IRAK1BP1: variants seen among roughly 807,000 people sequenced by gnomAD.
The protein encoded by IRAK1BP1 is interleukin-1 receptor-associated kinase 1-binding protein 1.
A neutral mutation model predicts 28.0 loss-of-function variants in IRAK1BP1; 24 were observed. The ratio of observed to expected loss-of-function variants is 0.86; its 90% confidence interval spans 0.62 to 1.20. The LOEUF is 1.20. Among genes scored for constraint, IRAK1BP1 ranks in the 50% most tolerant of loss-of-function variants. The pLI is 0.00. For synonymous variants in IRAK1BP1, 131 were observed against 116.3 expected (o/e 1.13, Z -0.81); for missense variants, 336 against 316.7 (o/e 1.06, Z -0.46).
At chr6:78,946,625 G>A (rs1184228345), downstream of IRAK1BP1, 10 of 1,463,524 alleles carry the variant, frequency 6.8e-6, no homozygotes, top group African/African-American at 1.5e-5. Context: ...ATAGGGAATA[G>A]TAAAGGAAGT....
At chr6:78,917,282 G>T (rs1772585289) in intron 4 of IRAK1BP1, among the ~76,000 whole-genome samples, 1 of 150,924 alleles carries the variant, frequency 6.6e-6, no homozygotes, top group African/African-American at 2.4e-5. Flanking sequence ...AAATACAATG[G>T]AAAGCTTTAT....
At chr6:78,958,241 G>A in the IRAK1BP1 span, 1 of 350,946 alleles carries the variant, frequency 2.8e-6, no homozygotes, top group African/African-American at 2.1e-5. Context: ...AAAACACAAT[G>A]GTAATACGAT....
chr6:78,945,648 A>T (rs1773772183), exon 5 of IRAK1BP1: 3 of 639,116 alleles, frequency 4.7e-6, no homozygotes, highest in Non-Finnish European at 8.2e-6. Context: ...AATAGGAAAA[A>T]GGCGTATCCA....
the IRAK1BP1 span, among the ~76,000 whole-genome samples, chr6:78,953,729 T>C: frequency 2.0e-5 from 3 of 152,152 alleles, no homozygotes; most frequent in African/African-American, 4.8e-5. Flanking sequence ...CATTGTAAGT[T>C]AGAACAAAAA....
At chr6:78,881,179 T>C (rs1771214997) in intron 1 of IRAK1BP1, among the ~76,000 whole-genome samples, 1 of 152,144 alleles carries the variant, frequency 6.6e-6, no homozygotes, top group Non-Finnish European at 1.5e-5. Context: ...CAAAAGAATA[T>C]TATTCAGCAA....
At chr6:78,963,010 A>G in the IRAK1BP1 span, 2 of 1,315,286 alleles carry the variant, frequency 1.5e-6, no homozygotes, top group Non-Finnish European at 2.1e-6. Flanking sequence ...ATATTGTGAA[A>G]AAAAATTTTT....
At chr6:78,944,978 T>C (rs1773721054) in intron 4 of IRAK1BP1, among the ~76,000 whole-genome samples, 1 of 152,170 alleles carries the variant, frequency 6.6e-6, no homozygotes, top group Non-Finnish European at 1.5e-5. Context: ...GAAAAATAAG[T>C]AGTTTTGTGA....
At chr6:78,948,696 G>A (rs1773969422), downstream of IRAK1BP1, among the ~76,000 whole-genome samples, 1 of 152,094 alleles carries the variant, frequency 6.6e-6, no homozygotes, top group African/African-American at 2.4e-5. Flanking sequence ...GTCTTAGCAT[G>A]TTGCTGAGAC....
intron 4 of IRAK1BP1, among the ~76,000 whole-genome samples, chr6:78,943,658 C>T (rs1218001595): frequency 6.6e-6 from 1 of 151,908 alleles, no homozygotes; most frequent in African/African-American, 2.4e-5. Flanking sequence ...TAAGTACCAC[C>T]AAAGGTAATG....
chr6:78,872,378 A>G (rs770588838), intron 1 of IRAK1BP1, among the ~76,000 whole-genome samples: 5 of 152,216 alleles, frequency 3.3e-5, no homozygotes, highest in African/African-American at 1.2e-4. Context: ...CAAATTGAAC[A>G]TAGGCATTGG....
In IRAK1BP1 at chr6:78,868,027, G is replaced by C. The variant is rs1770649958; in HGVS notation, c.315+136G>C. Reference sequence around the variant, plus strand: ...CGTTTAGGACGCGTTTGTTGCAAAGGTACTCCGGGACGCCAGGACCTGGCA... The same window carrying C: ...CGTTTAGGACGCGTTTGTTGCAAAGCTACTCCGGGACGCCAGGACCTGGCA... On this transcript the variant is annotated intron_variant, in intron 1 of 3. Transcript: ENST00000369940. 3 of 905,422 alleles carry C rather than the reference G, an allele frequency of 3.3e-6. No individual in the cohort carries two copies. The African/African-American group carries it at 5.1e-5, about 15-fold the overall frequency. The allele number at this position is 905,422 out of a possible 1,614,324, so 56.1% of individuals were successfully genotyped here.
chr6:78,972,161 C>T, the IRAK1BP1 span, among the ~76,000 whole-genome samples: 1 of 152,164 alleles, frequency 6.6e-6, no homozygotes, highest in Non-Finnish European at 1.5e-5. Flanking sequence ...GTGGTTCTCC[C>T]AGTACGCAGC....
intron 4 of IRAK1BP1, among the ~76,000 whole-genome samples, chr6:78,915,273 G>A (rs1772531439): frequency 1.3e-5 from 2 of 152,192 alleles, no homozygotes; most frequent in South Asian, 4.1e-4. Context: ...GTGATTCAAA[G>A]ACTGTCAGCA....
intron 1 of IRAK1BP1, among the ~76,000 whole-genome samples, chr6:78,868,976 A>T (rs1770695578): frequency 6.6e-6 from 1 of 152,238 alleles, no homozygotes; most frequent in Admixed American, 6.5e-5. Context: ...TTTTAACAAG[A>T]AAAGATATTT....
intron 4 of IRAK1BP1, chr6:78,941,429 G>A: frequency 3.0e-6 from 2 of 661,420 alleles, no homozygotes; most frequent in Non-Finnish European, 5.0e-6. Flanking sequence ...TATATGTAAT[G>A]ACATAATCCA....
chr6:78,971,608 C>A, the IRAK1BP1 span, among the ~76,000 whole-genome samples: 2 of 152,130 alleles, frequency 1.3e-5, no homozygotes, highest in Non-Finnish European at 2.9e-5. Flanking sequence ...GCATTTCCAT[C>A]TGAGGTAACG....
At chr6:78,942,678 T>G (rs1773568094) in intron 4 of IRAK1BP1, among the ~76,000 whole-genome samples, 2 of 152,300 alleles carry the variant, frequency 1.3e-5, no homozygotes, top group South Asian at 4.1e-4. Flanking sequence ...CAACTGACAT[T>G]TAAACTGCCC....
At chr6:78,890,617 C>T (rs2127649645) in intron 2 of IRAK1BP1, among the ~76,000 whole-genome samples, 1 of 152,212 alleles carries the variant, frequency 6.6e-6, no homozygotes, top group Non-Finnish European at 1.5e-5. Context: ...AAAAGGACTC[C>T]AAAAGTTCTA....
intron 4 of IRAK1BP1, chr6:78,935,783 G>A (rs893772229): frequency 6.1e-6 from 6 of 981,828 alleles, no homozygotes; most frequent in Admixed American, 6.2e-5. Context: ...TTGGTAAGCA[G>A]CTTGTTGAGA....
Sources: gnomAD v4.1 joint callset for allele counts (sites outside exome capture counted in the v4.1 genomes callset) on GRCh38, gnomAD v4.1.1 for gene constraint, MANE v1.5 for transcripts, NCBI Gene and HGNC (gene_info 2026-07-23, HGNC 2026-07-21) for gene names.